RUNX1T1: variants seen among roughly 807,000 people sequenced by gnomAD.
RUNX1T1 encodes the protein RUNX1 partner transcriptional co-repressor 1, also known as protein CBFA2T1.
RUNX1T1 carries 4 observed loss-of-function variants against 62.8 expected under a neutral mutation model. That is an observed-to-expected ratio of 0.06 (90% CI 0.03 to 0.15). RUNX1T1 has a LOEUF of 0.15. Among genes scored for constraint, RUNX1T1 ranks in the 10% least tolerant of loss-of-function variants. The pLI is 1.00. For synonymous variants in RUNX1T1, 291 were observed against 286.0 expected (o/e 1.02, Z -0.18); for missense variants, 508 against 754.3 (o/e 0.67, Z 3.82).
At chr8:92,006,595 G>C (rs903484908) in intron 4 of RUNX1T1, 10 of 151,280 alleles carry the variant, frequency 6.6e-5, no homozygotes, top group Non-Finnish European at 1.3e-4. Context: ...TTCCTTCAGT[G>C]CTCTTTATTT....
chr8:92,016,397 C>A (rs1467694133), intron 2 of RUNX1T1, among the ~76,000 whole-genome samples: 1 of 152,170 alleles, frequency 6.6e-6, no homozygotes, highest in East Asian at 1.9e-4. Flanking sequence ...AAAGACACGA[C>A]CGGGTGCGGT....
At chr8:92,010,965 T>C (rs770330988) in intron 4 of RUNX1T1, 37 bp downstream of exon 5, 4 of 1,202,068 alleles carry the variant, frequency 3.3e-6, no homozygotes, top group African/African-American at 1.5e-5. Context: ...AACAATATGG[T>C]TTAAAATACT....
intron 9 of RUNX1T1, among the ~76,000 whole-genome samples, chr8:91,972,510 C>T (rs558989268): frequency 1.4e-4 from 22 of 152,172 alleles, no homozygotes; most frequent in Middle Eastern, 3.4e-3. Context: ...CCTTCTTCAC[C>T]AGGAGGTGAA....
At chr8:92,043,397 A>G (rs1320936711) in intron 1 of RUNX1T1, among the ~76,000 whole-genome samples, 4 of 151,822 alleles carry the variant, frequency 2.6e-5, no homozygotes, top group Admixed American at 2.6e-4. Flanking sequence ...AAGTATATAT[A>G]CTAAGGAAGG....
intron 10 of RUNX1T1, among the ~76,000 whole-genome samples, chr8:91,970,224 G>C (rs752568010): frequency 3.3e-5 from 5 of 152,082 alleles, no homozygotes; most frequent in Non-Finnish European, 5.9e-5. Context: ...TTTAGCATTG[G>C]ACTTTAGGAC....
chr8:91,965,785 C>A (rs1041357983), intron 10 of RUNX1T1, among the ~76,000 whole-genome samples: 1 of 152,144 alleles, frequency 6.6e-6, no homozygotes, highest in Non-Finnish European at 1.5e-5. Context: ...CCTTTTCAAT[C>A]GCATAGTCAC....
exon 1 of RUNX1T1, chr8:92,062,604 C>A (rs767968622): frequency 4.3e-6 from 7 of 1,614,054 alleles, no homozygotes; most frequent in South Asian, 1.1e-5. Flanking sequence ...AAAGCAAGCG[C>A]GTTCCGGGCT....
chr8:92,005,163 C>T (rs368765023), exon 5 of RUNX1T1: 1 of 1,613,894 alleles, frequency 6.2e-7, no homozygotes, highest in Non-Finnish European at 8.5e-7. Flanking sequence ...CGAGAAGCAG[C>T]TCTGAGGAGT....
At chr8:92,040,770 T>C (rs990264125) in intron 1 of RUNX1T1, among the ~76,000 whole-genome samples, 1 of 152,206 alleles carries the variant, frequency 6.6e-6, no homozygotes, top group African/African-American at 2.4e-5. Context: ...GCCTGTGTAA[T>C]GGCATGTGCC....
At chr8:91,996,426 A>C (rs1744402327) in intron 5 of RUNX1T1, among the ~76,000 whole-genome samples, 1 of 152,022 alleles carries the variant, frequency 6.6e-6, no homozygotes, top group East Asian at 2.0e-4. Flanking sequence ...TGGTCTCGAT[A>C]TCCTGACCTC....
At chr8:92,018,568 T>C (rs1388714035) in intron 1 of RUNX1T1, among the ~76,000 whole-genome samples, 1 of 152,160 alleles carries the variant, frequency 6.6e-6, no homozygotes, top group African/African-American at 2.4e-5. Context: ...GAAGTAACTA[T>C]TAAGAAAGAA....
rs563836130 is a variant in RUNX1T1, at chr8:92,091,235, C to T, written c.-86+8345G>A. 3.3e-5 allele frequency among the ~76,000 whole-genome samples: 5 copies of T among 152,230 alleles called. No individual in the cohort carries two copies. In the South Asian group the frequency reaches 8.3e-4, roughly 25 times the overall value. On this transcript the variant is annotated intron_variant, in intron 1 of 11. Transcript: ENST00000265814. ...AGTGATTTGCTTTAGAGGCCTTGAT[C>T]GATATGAAACCGACCAAAACAAATG...
chr8:91,967,940 G>C (rs1249032259), intron 10 of RUNX1T1, among the ~76,000 whole-genome samples: 2 of 152,100 alleles, frequency 1.3e-5, no homozygotes, highest in African/African-American at 4.8e-5. Flanking sequence ...TTTAAAAACT[G>C]TGGGAAATAT....
intron 1 of RUNX1T1, among the ~76,000 whole-genome samples, chr8:92,024,388 A>G (rs1276756637): frequency 1.4e-5 from 2 of 147,936 alleles, no homozygotes; most frequent in African/African-American, 2.5e-5. Flanking sequence ...ACATGCCTGT[A>G]GTTCCTGCTA....
intron 1 of RUNX1T1, among the ~76,000 whole-genome samples, chr8:92,020,387 A>T (rs1823848867): frequency 6.6e-6 from 1 of 152,200 alleles, no homozygotes; most frequent in Non-Finnish European, 1.5e-5. Flanking sequence ...AAATTAGAGG[A>T]CATGGTAAAA....
chr8:92,102,438 G>A (rs1209032749), upstream of RUNX1T1, among the ~76,000 whole-genome samples: 14 of 149,622 alleles, frequency 9.4e-5, no homozygotes, highest in Non-Finnish European at 1.6e-4. This position sits in a 1 kb window ranked among gnomAD's most constrained non-coding sequence, Gnocchi z 4.5. Flanking sequence ...AAAAAAAAAA[G>A]AAAGGAAAAG....
chr8:92,069,145 T>C (rs1265685461), intron 2 of RUNX1T1, among the ~76,000 whole-genome samples: 1 of 152,034 alleles, frequency 6.6e-6, no homozygotes, highest in Admixed American at 6.5e-5. Context: ...TTTTTTATTT[T>C]TCTGTATTTC....
upstream of RUNX1T1, chr8:92,103,102 C>T (rs573275454): frequency 1.2e-5 from 5 of 418,000 alleles, no homozygotes; most frequent in African/African-American, 1.0e-4. Context: ...AGCCCGGGGT[C>T]GGGGACGCCA....
rs114506460 is a variant in RUNX1T1 at position 92,034,103 on chromosome 8, G to A, written c.8-16740C>T. On this transcript the variant is annotated intron_variant, in intron 1 of 10. Coordinates refer to ENST00000396218, the Ensembl canonical transcript of RUNX1T1. ...TTAAAGAGGCGGAGTTATCTATAGC[G>A]GTTGGAGCACAAGAAAGCCCGTGAA... is the stretch of plus-strand genomic sequence containing the variant. Among the ~76,000 whole-genome samples the A allele has an allele frequency of 9.4e-3, 1,434 of 152,184 alleles. 25 individuals carry two copies. Among genetic ancestry groups the A allele is most frequent in the African/African-American group, 0.033 (1,367 of 41,504 alleles).
Sources: gnomAD v4.1 joint callset for allele counts (sites outside exome capture counted in the v4.1 genomes callset) on GRCh38, gnomAD v4.1.1 for gene constraint, Gnocchi (gnomAD v3.1) non-coding constraint, MANE v1.5 for transcripts, NCBI Gene and HGNC (gene_info 2026-07-23, HGNC 2026-07-21) for gene names.